The following RAD54L2 variants were observed in gnomAD, a reference collection of about 807,000 sequenced individuals.
The protein encoded by RAD54L2 is RAD54 like 2.
Under a neutral mutation model 138.4 loss-of-function variants are expected in RAD54L2, and 27 were observed. The ratio of observed to expected loss-of-function variants is 0.20; its 90% CI spans 0.14 to 0.27. RAD54L2 has a LOEUF of 0.27. Among genes scored for constraint, RAD54L2 ranks in the 10% least tolerant of loss-of-function variants. RAD54L2 has a pLI of 1.00. For synonymous variants in RAD54L2, 644 were observed against 723.2 expected (o/e 0.89, Z 1.76); for missense variants, 1,396 against 1,890.2 (o/e 0.74, Z 4.85).
intron 6 of RAD54L2, 53 bp downstream of exon 6, chr3:51,630,441 A>T: frequency 6.6e-7 from 1 of 1,512,898 alleles, no homozygotes; most frequent in South Asian, 1.1e-5. Context: ...TCATGCTGAG[A>T]TCGGCTATAC....
At chr3:51,635,486 C>A in intron 9 of RAD54L2, 107 bp from the exon 10 acceptor site, 1 of 1,242,250 alleles carries the variant, frequency 8.0e-7, no homozygotes, top group Non-Finnish European at 1.1e-6. Context: ...TCTGAATGTA[C>A]ATCAACACAG....
chr3:51,636,401 A>G (rs1261484117), intron 10 of RAD54L2, among the ~76,000 whole-genome samples: 1 of 152,226 alleles, frequency 6.6e-6, no homozygotes, highest in Non-Finnish European at 1.5e-5. Flanking sequence ...CCATTTAGCA[A>G]TGACTGGAAA....
chr3:51,605,956 A>G (rs1700171881), intron 3 of RAD54L2, among the ~76,000 whole-genome samples: 1 of 152,212 alleles, frequency 6.6e-6, no homozygotes, highest in African/African-American at 2.4e-5. Flanking sequence ...CTGAAACCTG[A>G]GAACATGAAT....
chr3:51,560,981 G>T (rs1291466677), intron 2 of RAD54L2, among the ~76,000 whole-genome samples: 2 of 152,220 alleles, frequency 1.3e-5, no homozygotes, highest in African/African-American at 4.8e-5. Flanking sequence ...GTTTGAAACT[G>T]TTCTTTTAAG....
Position 51,637,524 on chromosome 3 carries a change from T to C in RAD54L2, c.1682+21T>C. Reference sequence around the variant, plus strand: ...CAGAGGTGAGCCATCCTCAGGGTCCTGCTTCCTGAATTTTCAGAGGGCCCT... The same window carrying C: ...CAGAGGTGAGCCATCCTCAGGGTCCCGCTTCCTGAATTTTCAGAGGGCCCT... On this transcript the variant is annotated intron_variant, in intron 11 of 22. Transcript: ENST00000684192. The surrounding 1 kb of genome is among the most constrained non-coding windows in gnomAD (Gnocchi z 5.9). The C allele has an allele frequency of 1.3e-6, 2 of 1,590,340 alleles. No individual in the cohort carries two copies. The highest frequency in any genetic ancestry group is 1.7e-6 in the Non-Finnish European group (2 of 1,165,404).
chr3:51,654,664 G>A (rs913797899), intron 19 of RAD54L2, among the ~76,000 whole-genome samples: 8 of 151,136 alleles, frequency 5.3e-5, no homozygotes, highest in South Asian at 2.1e-4. Flanking sequence ...GGGCTTTTCT[G>A]TGTAACCTCA....
chr3:51,663,453 C>T lies in RAD54L2; in HGVS notation c.*33C>T, dbSNP rs1485612048. The stretch of plus-strand genomic sequence containing the variant: ...GCCCCTCCCCACCTCACTTGGGGCC[C>T]CCAGCAGGTTGCCCACCAAGCTGAA... On this transcript the variant is annotated 3_prime_UTR_variant, in exon 23 of 23. Coordinates refer to ENST00000684192, the MANE Select transcript of RAD54L2 (RefSeq NM_015106.4). 1 of 1,589,708 alleles carries T rather than the reference C, an allele frequency of 6.3e-7. No individual in the cohort carries two copies. The highest frequency in any genetic ancestry group is 1.1e-5 in the South Asian group (1 of 88,306).
intron 3 of RAD54L2, among the ~76,000 whole-genome samples, chr3:51,594,054 TTTTTTC>T (rs1699899875): frequency 6.7e-6 from 1 of 149,444 alleles, no homozygotes; most frequent in Non-Finnish European, 1.5e-5. Flanking sequence ...ATTGTCTTTC[TTTTTTC>T]TTTTTCTTTT....
intron 7 of RAD54L2, among the ~76,000 whole-genome samples, chr3:51,633,007 G>C (rs1177451131): frequency 6.6e-6 from 1 of 151,830 alleles, no homozygotes; most frequent in Non-Finnish European, 1.5e-5. Context: ...GTCACCTGAG[G>C]TCAGGAGTTC....
intron 2 of RAD54L2, among the ~76,000 whole-genome samples, chr3:51,581,351 G>T (rs1699605264): frequency 6.6e-6 from 1 of 152,114 alleles, no homozygotes; most frequent in Non-Finnish European, 1.5e-5. Context: ...ACCCACCTCG[G>T]CCTCCCAAAG....
At chr3:51,651,735 A>C (rs1335613437) in intron 19 of RAD54L2, among the ~76,000 whole-genome samples, 6 of 152,366 alleles carry the variant, frequency 3.9e-5, no homozygotes, top group Non-Finnish European at 8.8e-5. Flanking sequence ...AAAATTCAAC[A>C]GCCCCTCATG....
intron 3 of RAD54L2, among the ~76,000 whole-genome samples, chr3:51,616,193 C>G (rs749996125): frequency 5.3e-5 from 8 of 152,142 alleles, no homozygotes; most frequent in Non-Finnish European, 1.0e-4. Context: ...TATAGTCATC[C>G]TACTGATCTA....
chr3:51,599,898 A>G (rs1226508123), intron 3 of RAD54L2, among the ~76,000 whole-genome samples: 28 of 151,908 alleles, frequency 1.8e-4, no homozygotes. Flanking sequence ...GATTACAGGC[A>G]TGAGCTACTG....
At chr3:51,632,639 A>G (rs1700878146) in intron 7 of RAD54L2, among the ~76,000 whole-genome samples, 1 of 146,576 alleles carries the variant, frequency 6.8e-6, no homozygotes, top group Admixed American at 6.8e-5. Flanking sequence ...CGTGCCTGTA[A>G]TCCTGGCGCT....
rs772882763 is a variant in RAD54L2, at chr3:51,645,937, C to T, written c.2829+174C>T. Among the ~76,000 whole-genome samples the T allele has an allele frequency of 2.0e-5, 3 of 152,194 alleles. No homozygotes were observed. Among genetic ancestry groups the T allele is most frequent in the Non-Finnish European group, 4.4e-5 (3 of 68,028 alleles). Reference sequence around the variant, plus strand: ...CCTCCCTTCCCACAACCACTTACCCCGTCCTCTAATCTGGTCCTGGGAGTG... The same window carrying T: ...CCTCCCTTCCCACAACCACTTACCCTGTCCTCTAATCTGGTCCTGGGAGTG... On this transcript the variant is annotated intron_variant, in intron 18 of 22. Coordinates refer to ENST00000684192, the MANE Select transcript of RAD54L2 (RefSeq NM_015106.4). The surrounding 1 kb of genome is among the most constrained non-coding windows in gnomAD (Gnocchi z 6.1).
intron 2 of RAD54L2, among the ~76,000 whole-genome samples, chr3:51,585,678 T>C (rs1219064121): frequency 6.6e-6 from 1 of 152,214 alleles, no homozygotes; most frequent in African/African-American, 2.4e-5. Flanking sequence ...TAGGATTGGC[T>C]ATGGGTTTCT....
rs936911999 is a variant in RAD54L2, at chr3:51,668,105, G to A, written c.*4685G>A. On this transcript the variant is annotated 3_prime_UTR_variant, in exon 23 of 23. Transcript: ENST00000684192. ...TGTGTGAGTGTGTGTGTGTGTGTTT[G>A]TGTGCTGTGCTCATGTGCACCTGGG... is the stretch of plus-strand genomic sequence containing the variant. 2.6e-5 allele frequency: 4 copies of A among 152,812 alleles called. No individual in the cohort carries two copies. The highest frequency in any genetic ancestry group is 5.8e-5 in the Non-Finnish European group (4 of 68,620). 9.5% of individuals were successfully genotyped at this position (152,812 alleles called of 1,614,324 possible).
At chr3:51,592,989 G>C (rs1012741430) in intron 3 of RAD54L2, among the ~76,000 whole-genome samples, 3 of 152,194 alleles carry the variant, frequency 2.0e-5, no homozygotes, top group African/African-American at 7.2e-5. Flanking sequence ...GGGCAGAGCA[G>C]CTAGCTATTC....
At chr3:51,598,438 C>A (rs1421590774) in intron 3 of RAD54L2, among the ~76,000 whole-genome samples, 1 of 151,990 alleles carries the variant, frequency 6.6e-6, no homozygotes, top group East Asian at 1.9e-4. Flanking sequence ...CATGAAGCTT[C>A]CATAAAAATC....
Sources: gnomAD v4.1 joint callset for allele counts (sites outside exome capture counted in the v4.1 genomes callset) on GRCh38, gnomAD v4.1.1 for gene constraint, Gnocchi (gnomAD v3.1) non-coding constraint, MANE v1.5 for transcripts, NCBI Gene and HGNC (gene_info 2026-07-23, HGNC 2026-07-21) for gene names.